ZBED6: variants seen among roughly 807,000 people sequenced by gnomAD.
ZBED6 encodes zinc finger BED-type containing 6, also known as zinc finger BED domain-containing protein 6.
A neutral mutation model predicts 58.4 loss-of-function variants in ZBED6; 40 were observed. That is an observed-to-expected ratio of 0.68 (90% CI 0.53 to 0.89). The LOEUF is 0.89. ZBED6 is among the 40% of genes least tolerant of loss of function. ZBED6 has a pLI of 0.00. For synonymous variants in ZBED6, 439 were observed against 350.6 expected, an observed-to-expected ratio of 1.25 and a Z score of -2.82; for missense variants, 1,057 against 1,003.9, an observed-to-expected ratio of 1.05 and a Z score of -0.71.
chr1:203,795,852 A>T (rs1275282291), exon 1 of ZBED6: 1 of 150,388 alleles, frequency 6.6e-6, no homozygotes, highest in Non-Finnish European at 1.5e-5. Flanking sequence ...GGTGGGGGAG[A>T]GGGCGAGGGG....
intron 3 of ZBED6, among the ~76,000 whole-genome samples, chr1:203,826,770 GGTTA>G (rs1470864553): frequency 5.3e-5 from 8 of 152,096 alleles, no homozygotes; most frequent in East Asian, 1.9e-4. Flanking sequence ...GTTCATCGGA[GGTTA>G]GTTAGTTTTT....
intron 12 of ZBED6, among the ~76,000 whole-genome samples, chr1:203,847,966 C>T (rs1688335500): frequency 1.3e-5 from 2 of 152,130 alleles, no homozygotes; most frequent in South Asian, 4.1e-4. Flanking sequence ...AGTGATTCTC[C>T]TGCCTCAGCC....
At chr1:203,830,962 T>C (rs1339577401) in intron 7 of ZBED6, among the ~76,000 whole-genome samples, 1 of 120,244 alleles carries the variant, frequency 8.3e-6, no homozygotes, top group African/African-American at 3.5e-5. Flanking sequence ...TTTTTTTTTT[T>C]TGAGACAGAG....
chr1:203,849,572 T>G, intron 13 of ZBED6, 139 bp from the exon 14 acceptor site: 1 of 818,968 alleles, frequency 1.2e-6, no homozygotes, highest in Non-Finnish European at 2.0e-6. Flanking sequence ...ATTGTCTATT[T>G]AACATCAAAT....
In ZBED6 at chr1:203,838,078, T is replaced by C; in HGVS notation, c.*3672+14T>C. The stretch of plus-strand genomic sequence containing the variant: ...CACCAAAGAAAGGTACCTGTGTTCT[T>C]ACATACTTTGTGTGTGTATGTAATT... On this transcript the variant is annotated intron_variant, in intron 10 of 16. Transcript: ENST00000550078. The C allele has an allele frequency of 6.2e-7, 1 of 1,612,418 alleles. No homozygotes were observed. Among genetic ancestry groups the C allele is most frequent in the Non-Finnish European group, 8.5e-7 (1 of 1,178,886 alleles).
chr1:203,829,340 A>C, intron 4 of ZBED6, 111 bp from the exon 5 acceptor site: 2 of 1,088,682 alleles, frequency 1.8e-6, no homozygotes, highest in Non-Finnish European at 2.7e-6. Context: ...GAAATTTAGT[A>C]TAAATGCTCA....
At chr1:203,832,450 T>A (rs1682708625) in intron 8 of ZBED6, among the ~76,000 whole-genome samples, 1 of 152,030 alleles carries the variant, frequency 6.6e-6, no homozygotes, top group African/African-American at 2.4e-5. Context: ...AACCTCCGCC[T>A]CCCAGGTTCA....
At position 203,840,391 on chromosome 1, in the gene ZBED6, A is replaced by G. The variant is rs556516275; in HGVS notation, c.*3741+17A>G. ...ATGCAACAGGTAAGTAAATCCTAAG[A>G]CCAGATTCTGATTATTTTTTTCTTT... On this transcript the variant is annotated intron_variant, in intron 11 of 16. Coordinates refer to ENST00000550078, the Ensembl canonical transcript of ZBED6. 8.7e-6 allele frequency: 14 copies of G among 1,605,546 alleles called. No homozygotes were observed. In the South Asian group the frequency reaches 1.6e-4, roughly 18 times the overall value.
intron 3 of ZBED6, among the ~76,000 whole-genome samples, chr1:203,826,407 TA>T (rs1422865504): frequency 6.6e-5 from 10 of 151,664 alleles, no homozygotes; most frequent in African/African-American, 2.4e-4. Flanking sequence ...AATTATACTT[TA>T]AAAATATTAA....
chr1:203,844,699 G>A (rs1687396810), intron 11 of ZBED6, among the ~76,000 whole-genome samples: 4 of 152,268 alleles, frequency 2.6e-5, no homozygotes, highest in African/African-American at 7.2e-5. Flanking sequence ...TGGAGAGGGT[G>A]TACTAACAGG....
chr1:203,807,043 T>C (rs1363816651), intron 1 of ZBED6, among the ~76,000 whole-genome samples: 1 of 151,952 alleles, frequency 6.6e-6, no homozygotes, highest in Non-Finnish European at 1.5e-5. Context: ...TGTAGTGTTA[T>C]TTATTTTATT....
exon 17 of ZBED6, chr1:203,853,996 A>T (rs1458203665): frequency 1.3e-5 from 2 of 152,628 alleles, no homozygotes; most frequent in Non-Finnish European, 2.9e-5. Flanking sequence ...TTTTTAAAAA[A>T]TAATTTTGTT....
exon 1 of ZBED6, chr1:203,798,852 T>A (rs1043139444): frequency 6.5e-7 from 1 of 1,536,020 alleles, no homozygotes; most frequent in Admixed American, 2.0e-5. Context: ...GGCCCCTGAT[T>A]ATAGGTTGCC....
In ZBED6 at chr1:203,798,165, T is replaced by C. The variant is rs867026539; in HGVS notation, c.643T>C (p.Phe215Leu). ...TCCCTCTTCTGGAAGCAATGGAAGC[T>C]TTGAATATATTCCTACTGATCCATT... Residue 215 changes from phenylalanine to leucine, a missense_variant, in exon 1 of 17, where the codon TTT becomes CTT. Phe to Leu is a conservative substitution (Grantham distance 22, BLOSUM62 0). Transcript: ENST00000550078. 50 of 1,536,042 alleles carry C rather than the reference T, an allele frequency of 3.3e-5. No individual in the cohort carries two copies. The African/African-American group carries it at 5.9e-4, about 18-fold the overall frequency.
chr1:203,836,292 T>C (rs1012767991), intron 9 of ZBED6, among the ~76,000 whole-genome samples: 1 of 152,240 alleles, frequency 6.6e-6, no homozygotes, highest in Non-Finnish European at 1.5e-5. Context: ...AACTTTGTGA[T>C]GGTTTTATAT....
At chr1:203,831,974 A>G (rs760742054) in intron 8 of ZBED6, among the ~76,000 whole-genome samples, 12 of 152,228 alleles carry the variant, frequency 7.9e-5, no homozygotes, top group Non-Finnish European at 1.3e-4. Context: ...CCTCACATAT[A>G]TTTTTCCATT....
exon 10 of ZBED6, chr1:203,838,044 T>C (rs554169257): frequency 9.9e-6 from 16 of 1,614,190 alleles, no homozygotes; most frequent in South Asian, 4.4e-5. Context: ...GAAACTAACA[T>C]TGACAAAACA....
intron 3 of ZBED6, among the ~76,000 whole-genome samples, chr1:203,821,236 G>A (rs1473625984): frequency 3.3e-5 from 5 of 152,022 alleles, no homozygotes; most frequent in Admixed American, 6.6e-5. Context: ...TGTGTCTTGC[G>A]TCCTGTTCAC....
chr1:203,841,259 T>C (rs1446923786), intron 11 of ZBED6, among the ~76,000 whole-genome samples: 1 of 151,654 alleles, frequency 6.6e-6, no homozygotes, highest in Admixed American at 6.6e-5. Flanking sequence ...CAGATAAACA[T>C]GTGAACAAGG....
Sources: allele counts gnomAD v4.1 joint callset (sites outside exome capture counted in the v4.1 genomes callset), GRCh38; gene constraint gnomAD v4.1.1; transcripts MANE v1.5; gene names NCBI Gene and HGNC (gene_info 2026-07-23, HGNC 2026-07-21).